Variants in CEP43 observed in about 807,000 individuals in gnomAD.
CEP43 encodes centrosomal protein 43, also known as FGFR1 oncogene partner.
A neutral mutation model predicts 52.6 loss-of-function variants in CEP43; 36 were observed. The observed-to-expected ratio is 0.68, with a 90% confidence interval of 0.52 to 0.90. CEP43 has a LOEUF of 0.90. Among genes scored for constraint, CEP43 ranks in the 40% least tolerant of loss-of-function variants. The pLI, the probability that CEP43 is intolerant of heterozygous loss-of-function variation, is 0.00. For synonymous variants in CEP43, 192 were observed against 172.4 expected, an observed-to-expected ratio of 1.11 and a Z score of -0.89; for missense variants, 506 against 472.8, an observed-to-expected ratio of 1.07 and a Z score of -0.65.
chr6:167,022,074 G>A (rs1351753771), intron 7 of CEP43, among the ~76,000 whole-genome samples: 6 of 152,144 alleles, frequency 3.9e-5, no homozygotes, highest in Admixed American at 3.9e-4. Flanking sequence ...TTCTCAATGG[G>A]AAAGTGTTTA....
Position 166,999,468 on chromosome 6 carries a change from T to A in CEP43, c.56T>A (p.Leu19Gln). 1 of 1,484,602 alleles carries A rather than the reference T, an allele frequency of 6.7e-7. No homozygotes were observed. Among genetic ancestry groups the A allele is most frequent in the Admixed American group, 2.3e-5 (1 of 43,124 alleles). 92.0% of individuals were successfully genotyped at this position (1,484,602 alleles called of 1,614,324 possible). A position where few individuals can be genotyped will look rare whatever the true frequency, so the allele number is the denominator to read the frequency against. ...GAGGAGGACACGGAGCTGCGGGACC[T>A]GCTGGTGCAGACGCTGGAGAACAGC... ...VAEEDTELRD[L>Q]LVQTLENSGV... Residue 19 changes from leucine to glutamine, a missense_variant, in exon 1 of 13, where the codon CTG becomes CAG. Leu to Gln is a moderately radical substitution (Grantham distance 113). Coordinates refer to ENST00000366847, the MANE Select transcript of CEP43 (RefSeq NM_007045.4).
intron 6 of CEP43, 51 bp from the exon 7 acceptor site, chr6:167,013,457 T>A (rs1780027243): frequency 6.8e-7 from 1 of 1,472,892 alleles, no homozygotes; most frequent in East Asian, 2.3e-5. Context: ...TTAGTTTATT[T>A]TTTAAAGATT....
Position 167,049,435 on chromosome 6 carries a change from G to C in CEP43, c.*9457G>C. On this transcript the variant is annotated 3_prime_UTR_variant, in exon 13 of 13. Coordinates refer to ENST00000366847, the MANE Select transcript of CEP43 (RefSeq NM_007045.4). ...CTGTCTCTTCAGAGTTGCCTCTTCT[G>C]GACATTACATATAAACGGAATTATA... is the stretch of plus-strand genomic sequence containing the variant. The C allele has an allele frequency of 6.6e-6, 1 of 152,298 alleles. No homozygotes were observed. Among genetic ancestry groups the C allele is most frequent in the Non-Finnish European group, 1.5e-5 (1 of 68,032 alleles). 9.4% of individuals were successfully genotyped at this position (152,298 alleles called of 1,614,324 possible).
rs1562535942 is a variant in CEP43 at position 167,040,479 on chromosome 6, A to G, written c.*501A>G. The G allele has an allele frequency of 8.6e-7, 1 of 1,158,870 alleles. No individual in the cohort carries two copies. The highest frequency in any genetic ancestry group is 1.1e-6 in the Non-Finnish European group (1 of 936,928). The allele number at this position is 1,158,870 out of a possible 1,614,324, so 71.8% of individuals were successfully genotyped here. A position where few individuals can be genotyped will look rare whatever the true frequency, so the allele number is the denominator to read the frequency against. ...ATTTGTAATGCTGAAGTATATTAGT[A>G]TAAGTTAAATTTGATGTGTCAACTT... On this transcript the variant is annotated 3_prime_UTR_variant, in exon 13 of 13. Coordinates refer to ENST00000366847, the MANE Select transcript of CEP43 (RefSeq NM_007045.4).
intron 7 of CEP43, among the ~76,000 whole-genome samples, chr6:167,017,162 A>AT (rs1471524289): frequency 6.6e-6 from 1 of 151,526 alleles, no homozygotes; most frequent in East Asian, 1.9e-4. Context: ...AGCCCGGCTA[A>AT]TTTTTTGTAT....
intron 6 of CEP43, chr6:167,011,491 T>C (rs1208988276): frequency 3.3e-5 from 5 of 152,194 alleles, no homozygotes; most frequent in African/African-American, 1.2e-4. Flanking sequence ...GCTCTACACT[T>C]TGAATTTAAG....
intron 12 of CEP43, among the ~76,000 whole-genome samples, chr6:167,035,025 A>G (rs1029571615): frequency 2.0e-5 from 3 of 152,196 alleles, no homozygotes; most frequent in Non-Finnish European, 4.4e-5. Context: ...ACTCGAAGAA[A>G]TGACTGTTAA....
chr6:167,008,125 T>G (rs931824592), intron 5 of CEP43, among the ~76,000 whole-genome samples: 3 of 60,322 alleles, frequency 5.0e-5, no homozygotes, highest in Admixed American at 3.1e-4. Context: ...CCTTATGTGT[T>G]TTTTTTTTTT....
At chr6:167,006,903 G>C (rs113636737) in intron 5 of CEP43, among the ~76,000 whole-genome samples, 1 of 152,182 alleles carries the variant, frequency 6.6e-6, no homozygotes, top group African/African-American at 2.4e-5. Context: ...TTCGAATCCT[G>C]TGTGGAAAAA....
At chr6:167,003,514 T>A (rs1003753586) in intron 3 of CEP43, 9 of 536,748 alleles carry the variant, frequency 1.7e-5, no homozygotes, top group African/African-American at 1.5e-4. Context: ...ATGATTGTCT[T>A]ACAGTTAGTT....
At position 167,040,383 on chromosome 6, in the gene CEP43, C is replaced by CT; in HGVS notation, c.*405_*406insT. The CT allele has an allele frequency of 1.5e-6, 2 of 1,358,472 alleles. No homozygotes were observed. The highest frequency in any genetic ancestry group is 1.5e-5 in the African/African-American group (1 of 68,744). 84.2% of individuals were successfully genotyped at this position (1,358,472 alleles called of 1,614,324 possible). On this transcript the variant is annotated 3_prime_UTR_variant, in exon 13 of 13. Coordinates refer to ENST00000366847, the MANE Select transcript of CEP43 (RefSeq NM_007045.4). ...AACCTTGGCTTTAGCCCTCTGGAATCAGAGCTTACCCACCATAGTATATTT... is the reference window on the plus strand; with the variant it reads ...AACCTTGGCTTTAGCCCTCTGGAATCTAGAGCTTACCCACCATAGTATATTT...
intron 2 of CEP43, among the ~76,000 whole-genome samples, chr6:167,001,308 C>T (rs971803221): frequency 6.6e-6 from 1 of 152,168 alleles, no homozygotes; most frequent in Admixed American, 6.5e-5. Context: ...GTATCTTTGA[C>T]CCCTTCCTTT....
chr6:167,019,499 A>G (rs1780178484), intron 7 of CEP43, among the ~76,000 whole-genome samples: 2 of 152,184 alleles, frequency 1.3e-5, no homozygotes, highest in Admixed American at 1.3e-4. Context: ...CTAGTTGGTA[A>G]TGGTCTTTTG....
At chr6:167,021,921 C>G (rs1364799009) in intron 7 of CEP43, among the ~76,000 whole-genome samples, 3 of 152,174 alleles carry the variant, frequency 2.0e-5, no homozygotes, top group Non-Finnish European at 4.4e-5. Context: ...CTGATGACTA[C>G]TTTAATGCTT....
In CEP43 at chr6:167,046,052, C is replaced by T. The variant is rs1359072320; in HGVS notation, c.*6074C>T. 10 of 152,250 alleles carry T rather than the reference C, an allele frequency of 6.6e-5. No homozygotes were observed. Among genetic ancestry groups the T allele is most frequent in the South Asian group, 2.1e-4 (1 of 4,824 alleles). The allele number at this position is 152,250 out of a possible 1,614,324, so 9.4% of individuals were successfully genotyped here. On this transcript the variant is annotated 3_prime_UTR_variant, in exon 13 of 13. Transcript: ENST00000366847. Reference sequence around the variant, plus strand: ...CACCAAGGGGCAGTGCTCTCCCTGCCGGTAAGTGTTGGAACTTCACGTTTC... The same window carrying T: ...CACCAAGGGGCAGTGCTCTCCCTGCTGGTAAGTGTTGGAACTTCACGTTTC...
chr6:167,038,002 G>C (rs928543695), intron 12 of CEP43, among the ~76,000 whole-genome samples: 2 of 152,186 alleles, frequency 1.3e-5, no homozygotes, highest in Non-Finnish European at 2.9e-5. Flanking sequence ...TCCTTGTTCA[G>C]CTGTCAGTGG....
At chr6:167,026,852 G>C (rs1359095792) in intron 10 of CEP43, among the ~76,000 whole-genome samples, 1 of 152,174 alleles carries the variant, frequency 6.6e-6, no homozygotes, top group Admixed American at 6.5e-5. Flanking sequence ...TTCTGGTCAG[G>C]AATATGAACA....
At chr6:166,999,840 T>C in intron 1 of CEP43, 1 of 566,310 alleles carries the variant, frequency 1.8e-6, no homozygotes, top group Non-Finnish European at 3.1e-6. Flanking sequence ...CGTCTCTTCC[T>C]CAGGCTCGGG....
intron 8 of CEP43, 30 bp downstream of exon 8, chr6:167,022,665 T>C: frequency 7.3e-7 from 1 of 1,374,558 alleles, no homozygotes; most frequent in Non-Finnish European, 1.0e-6. Context: ...GCTATGAGAC[T>C]AGGGGTTTAA....
Sources: allele counts gnomAD v4.1 joint callset (sites outside exome capture counted in the v4.1 genomes callset), GRCh38; gene constraint gnomAD v4.1.1; transcripts MANE v1.5; gene names NCBI Gene and HGNC (gene_info 2026-07-23, HGNC 2026-07-21).